DIAPH3: variants seen among roughly 807,000 people sequenced by gnomAD.
DIAPH3 encodes diaphanous related formin 3, also known as protein diaphanous homolog 3.
DIAPH3 carries 117 observed loss-of-function variants against 144.3 expected under a neutral mutation model. That is an observed-to-expected ratio of 0.81 (90% CI 0.70 to 0.95). DIAPH3 has a LOEUF of 0.95. Ranked by LOEUF, DIAPH3 falls within the 40% of genes least tolerant of loss-of-function variation. DIAPH3 has a pLI of 0.00. For missense variants in DIAPH3, 1,421 were observed against 1,412.7 expected (o/e 1.01, Z -0.09); for synonymous variants, 519 against 488.9 (o/e 1.06, Z -0.81).
chr13:59,926,037 G>C (rs1210511603), intron 17 of DIAPH3, among the ~76,000 whole-genome samples: 1 of 152,160 alleles, frequency 6.6e-6, no homozygotes, highest in Non-Finnish European at 1.5e-5. Flanking sequence ...CCAGGCTGGA[G>C]TGCAGCAGCA....
intron 2 of DIAPH3, among the ~76,000 whole-genome samples, chr13:60,117,030 G>A (rs991228855): frequency 2.0e-5 from 3 of 151,850 alleles, no homozygotes; most frequent in Non-Finnish European, 4.4e-5. Context: ...ATAGTATTGA[G>A]CTCAAAAATA....
chr13:59,908,369 CA>C (rs773306723), intron 20 of DIAPH3, among the ~76,000 whole-genome samples: 1,741 of 41,148 alleles, frequency 0.042, 4 homozygotes, highest in Non-Finnish European at 0.055. Flanking sequence ...GACTCTGTCT[CA>C]AAAAAAAAAA....
intron 25 of DIAPH3, among the ~76,000 whole-genome samples, chr13:59,776,013 C>T (rs879355287): frequency 4.6e-5 from 7 of 152,154 alleles, no homozygotes; most frequent in African/African-American, 1.2e-4. Flanking sequence ...ACTTTTTGCC[C>T]GTCCAGACAA....
At chr13:59,748,815 C>T (rs1014907392) in intron 27 of DIAPH3, among the ~76,000 whole-genome samples, 2 of 152,124 alleles carry the variant, frequency 1.3e-5, no homozygotes, top group Admixed American at 6.5e-5. Context: ...CCAGAAGCCA[C>T]GGTTGGTGGT....
chr13:60,008,375 G>A (rs1442829707), intron 9 of DIAPH3, among the ~76,000 whole-genome samples, 169 bp downstream of exon 9: 4 of 152,136 alleles, frequency 2.6e-5, no homozygotes, highest in Middle Eastern at 3.4e-3. Context: ...CAGCCTGGGC[G>A]ACAAAGCAAG....
chr13:59,830,679 T>C (rs1478884046), intron 24 of DIAPH3, among the ~76,000 whole-genome samples: 4 of 151,900 alleles, frequency 2.6e-5, no homozygotes, highest in Non-Finnish European at 5.9e-5. Flanking sequence ...TTTAGATCTA[T>C]TTACCTCTAT....
chr13:59,944,714 T>G (rs1293092932), intron 17 of DIAPH3, among the ~76,000 whole-genome samples: 1 of 151,534 alleles, frequency 6.6e-6, no homozygotes, highest in Non-Finnish European at 1.5e-5. Context: ...ATACATTTAT[T>G]ATTAATGCAT....
intron 27 of DIAPH3, 50 bp from the exon 28 acceptor site, chr13:59,666,896 G>C: frequency 1.9e-6 from 3 of 1,598,728 alleles, no homozygotes; most frequent in Non-Finnish European, 2.6e-6. Flanking sequence ...GATAACCAAG[G>C]ACTGTGCACG....
chr13:59,956,752 C>A (rs950811549), intron 17 of DIAPH3, among the ~76,000 whole-genome samples: 2 of 152,122 alleles, frequency 1.3e-5, no homozygotes, highest in African/African-American at 4.8e-5. Flanking sequence ...CACAGACACT[C>A]GACACCACCC....
At chr13:60,049,743 G>C (rs752638661) in intron 4 of DIAPH3, among the ~76,000 whole-genome samples, 1 of 152,178 alleles carries the variant, frequency 6.6e-6, no homozygotes, top group Non-Finnish European at 1.5e-5. Flanking sequence ...CAGGAGTGAC[G>C]TAAAAGTCAA....
At chr13:59,984,287 C>T (rs2051233296) in intron 12 of DIAPH3, among the ~76,000 whole-genome samples, 2 of 151,592 alleles carry the variant, frequency 1.3e-5, no homozygotes, top group Admixed American at 1.3e-4. Flanking sequence ...CAAAAATTTT[C>T]TCTAAAAAGT....
At chr13:59,983,213 A>G (rs2140718242) in intron 13 of DIAPH3, among the ~76,000 whole-genome samples, 1 of 150,956 alleles carries the variant, frequency 6.6e-6, no homozygotes, top group South Asian at 2.1e-4. Context: ...TTTAAAAAAA[A>G]AAAAAAAAAG....
intron 4 of DIAPH3, among the ~76,000 whole-genome samples, chr13:60,078,346 G>A (rs2057444478): frequency 6.6e-6 from 1 of 152,132 alleles, no homozygotes; most frequent in Non-Finnish European, 1.5e-5. Context: ...ACAGGAGCTG[G>A]TTTGTGGTAT....
chr13:59,935,278 T>C (rs544593545), intron 17 of DIAPH3, among the ~76,000 whole-genome samples: 4 of 152,200 alleles, frequency 2.6e-5, no homozygotes, highest in East Asian at 1.9e-4. Context: ...CCCCTGCAAA[T>C]ACAGAAGGAT....
Position 59,839,381 on chromosome 13 carries a change from T to C in DIAPH3, c.2805A>G (p.Glu935=). 1 of 1,613,768 alleles carries C rather than the reference T, an allele frequency of 6.2e-7. No homozygotes were observed. Among genetic ancestry groups the C allele is most frequent in the Non-Finnish European group, 8.5e-7 (1 of 1,179,822 alleles). ...MGRQLQQLEK[E]LETFPPPEDL... ...CCTCAGGAGGGGGAAAGGTTTCCAA[T>C]TCCTTCTCAAGCTGTTGAAGCTGCC... Residue 935 remains glutamate, a synonymous_variant, in exon 23 of 28, where the codon GAA becomes GAG. Coordinates refer to ENST00000400324, the MANE Select transcript of DIAPH3 (RefSeq NM_001042517.2).
intron 4 of DIAPH3, among the ~76,000 whole-genome samples, chr13:60,056,928 A>G (rs1007648729): frequency 5.3e-5 from 8 of 151,894 alleles, no homozygotes; most frequent in African/African-American, 1.9e-4. Context: ...GCAATTTAAA[A>G]TGATAAATTT....
chr13:59,828,367 AATT>A (rs2041574009), intron 24 of DIAPH3, among the ~76,000 whole-genome samples: 1 of 151,976 alleles, frequency 6.6e-6, no homozygotes, highest in South Asian at 2.1e-4. Context: ...GTAAATAGAC[AATT>A]ATTATACCCA....
chr13:59,943,779 G>T (rs2140398014), intron 17 of DIAPH3, among the ~76,000 whole-genome samples: 1 of 152,196 alleles, frequency 6.6e-6, no homozygotes, highest in African/African-American at 2.4e-5. Context: ...TATTCTATCA[G>T]AAGCCCAGTA....
Position 60,085,622 on chromosome 13 carries a change from TG to T in DIAPH3, c.495+8005del, listed in dbSNP as rs1432209349. Among the ~76,000 whole-genome samples, 8 of 152,288 alleles carry T rather than the reference TG, an allele frequency of 5.3e-5. No individual in the cohort carries two copies. In the East Asian group the frequency reaches 1.5e-3, roughly 29 times the overall value. On this transcript the variant is annotated intron_variant, in intron 4 of 27. Transcript: ENST00000400324. Reference sequence around the variant, plus strand: ...TATCAAGATCAAGAGTTATTGCTCCTGGATACTTTTTCCTCATTTCATCAAT... The same window carrying T: ...TATCAAGATCAAGAGTTATTGCTCCTGATACTTTTTCCTCATTTCATCAAT...
Sources: gnomAD v4.1 joint callset for allele counts (sites outside exome capture counted in the v4.1 genomes callset) on GRCh38, gnomAD v4.1.1 for gene constraint, MANE v1.5 for transcripts, NCBI Gene and HGNC (gene_info 2026-07-23, HGNC 2026-07-21) for gene names.